PPFIA2: variants seen among roughly 807,000 people sequenced by gnomAD.
The protein encoded by PPFIA2 is PPFI scaffold protein A2.
PPFIA2 carries 46 observed loss-of-function variants against 175.5 expected under a neutral mutation model. The ratio of observed to expected loss-of-function variants is 0.26; its 90% confidence interval spans 0.21 to 0.34. The LOEUF (loss-of-function observed/expected upper bound fraction) is 0.34, where lower values mean the gene tolerates loss of function less well. Ranked by LOEUF, PPFIA2 falls within the 10% of genes least tolerant of loss-of-function variation. The probability of loss-of-function intolerance (pLI) is 1.00; values close to 1 mark genes in which losing one functional copy is unlikely to be tolerated. For synonymous variants in PPFIA2, 568 were observed against 511.4 expected (o/e 1.11, Z -1.49); for missense variants, 1,179 against 1,506.1 (o/e 0.78, Z 3.60).
intron 2 of PPFIA2, 110 bp from the exon 3 acceptor site, chr12:81,754,333 A>G (rs1331617819): frequency 2.2e-6 from 3 of 1,346,374 alleles, no homozygotes; most frequent in African/African-American, 2.9e-5. Context: ...ATTTGTCTCT[A>G]TTTCCCCTAC....
chr12:81,499,583 T>C (rs893740685), intron 4 of PPFIA2, among the ~76,000 whole-genome samples: 1 of 152,150 alleles, frequency 6.6e-6, no homozygotes, highest in South Asian at 2.1e-4. Flanking sequence ...GCTAAACACT[T>C]TTTGTCAGAT....
intron 9 of PPFIA2, among the ~76,000 whole-genome samples, chr12:81,381,576 G>A (rs2037714254): frequency 6.6e-6 from 1 of 152,098 alleles, no homozygotes; most frequent in African/African-American, 2.4e-5. Flanking sequence ...CAAGAAGTGA[G>A]CCCGGTGATT....
At chr12:81,341,235 T>G (rs2058010906) in intron 19 of PPFIA2, 27 bp from the exon 20 acceptor site, 1 of 1,600,372 alleles carries the variant, frequency 6.2e-7, no homozygotes. Flanking sequence ...TACATTCAAA[T>G]AAACCCTTTC....
At chr12:81,263,477 A>G in intron 30 of PPFIA2, 87 bp from the exon 31 acceptor site, 1 of 1,199,688 alleles carries the variant, frequency 8.3e-7, no homozygotes, top group South Asian at 1.6e-5. Flanking sequence ...CATGTAACAT[A>G]GATTATTTAC....
intron 22 of PPFIA2, among the ~76,000 whole-genome samples, chr12:81,313,670 T>C (rs1033986948): frequency 2.0e-5 from 3 of 152,052 alleles, no homozygotes; most frequent in Non-Finnish European, 4.4e-5. Context: ...CTTGTCAACA[T>C]ACCTGTGAAC....
intron 21 of PPFIA2, among the ~76,000 whole-genome samples, chr12:81,337,931 T>C (rs1254519104): frequency 6.6e-6 from 1 of 152,132 alleles, no homozygotes; most frequent in Admixed American, 6.6e-5. Flanking sequence ...TAATATTATG[T>C]ATAGCCTAAA....
At chr12:81,448,205 T>C (rs180680211) in intron 5 of PPFIA2, among the ~76,000 whole-genome samples, 1 of 152,294 alleles carries the variant, frequency 6.6e-6, no homozygotes, top group Admixed American at 6.5e-5. Flanking sequence ...ACTCTTCACA[T>C]TTGGCAAGTG....
intron 16 of PPFIA2, among the ~76,000 whole-genome samples, chr12:81,356,116 C>T (rs776058059): frequency 1.3e-5 from 2 of 152,104 alleles, no homozygotes; most frequent in Non-Finnish European, 1.5e-5. Context: ...CACTTGAACA[C>T]TTAAGGCTAT....
At chr12:81,313,691 G>A (rs918924096) in intron 22 of PPFIA2, among the ~76,000 whole-genome samples, 4 of 152,004 alleles carry the variant, frequency 2.6e-5, no homozygotes, top group African/African-American at 9.7e-5. Flanking sequence ...TCTACGATGA[G>A]CTCTGAAAAA....
At chr12:81,597,858 C>A in intron 4 of PPFIA2, 1 of 1,280,958 alleles carries the variant, frequency 7.8e-7, no homozygotes, top group Non-Finnish European at 1.1e-6. Context: ...TACTTCCAAC[C>A]TTTTTAAGTC....
chr12:81,328,411 G>T (rs1469390526), intron 21 of PPFIA2, among the ~76,000 whole-genome samples: 8 of 152,156 alleles, frequency 5.3e-5, no homozygotes, highest in Admixed American at 5.2e-4. Flanking sequence ...ACCAGGTTTT[G>T]AAAACGTGGT....
At position 81,277,347 on chromosome 12, in the gene PPFIA2, T is replaced by C. The variant is rs925568691; in HGVS notation, c.3280A>G (p.Arg1094Gly). Residue 1094 changes from arginine (R) to glycine (G), a missense_variant, in exon 28 of 33, where the codon AGA becomes GGA. Transcript: ENST00000549396. ...LNYDRKELER[R>G]REASQHEIKD... ...ATTTCATGTTGGCTTGCTTCCCGTCTTCTTTCTAGTTCTTTTCTGTCATAA... is the reference window on the plus strand; with the variant it reads ...ATTTCATGTTGGCTTGCTTCCCGTCCTCTTTCTAGTTCTTTTCTGTCATAA... The C allele has an allele frequency of 3.2e-6, 5 of 1,573,074 alleles. No homozygotes were observed. Among genetic ancestry groups the C allele is most frequent in the Non-Finnish European group, 4.3e-6 (5 of 1,158,280 alleles).
intron 5 of PPFIA2, among the ~76,000 whole-genome samples, chr12:81,451,851 T>C (rs1566893501): frequency 6.6e-6 from 1 of 152,032 alleles, no homozygotes; most frequent in Admixed American, 6.6e-5. Flanking sequence ...TAAAAGTAAA[T>C]AAATTAAGAG....
intron 3 of PPFIA2, among the ~76,000 whole-genome samples, chr12:81,738,052 G>A (rs546168466): frequency 2.9e-4 from 44 of 150,960 alleles, no homozygotes; most frequent in Non-Finnish European, 5.6e-4. Flanking sequence ...AAACAAATAC[G>A]TTTTAAGTAC....
At chr12:81,479,799 T>G (rs1411620230) in intron 4 of PPFIA2, among the ~76,000 whole-genome samples, 1 of 152,220 alleles carries the variant, frequency 6.6e-6, no homozygotes, top group Non-Finnish European at 1.5e-5. Context: ...GGACTTCCCT[T>G]TGTGGGTAAC....
intron 23 of PPFIA2, 58 bp downstream of exon 23, chr12:81,299,243 A>G: frequency 6.7e-7 from 1 of 1,498,590 alleles, no homozygotes; most frequent in African/African-American, 1.4e-5. Flanking sequence ...ACCTGTCTCA[A>G]AAAAATTATC....
At chr12:81,666,025 G>T (rs1363968053) in intron 4 of PPFIA2, among the ~76,000 whole-genome samples, 1 of 152,198 alleles carries the variant, frequency 6.6e-6, no homozygotes, top group South Asian at 2.1e-4. Context: ...CATCATCACT[G>T]GCCATCAGAG....
Position 81,267,951 on chromosome 12 carries a change from G to A in PPFIA2, c.3447C>T (p.Ser1149=). 1 of 1,598,482 alleles carries A rather than the reference G, an allele frequency of 6.3e-7. No homozygotes were observed. Among genetic ancestry groups the A allele is most frequent in the Non-Finnish European group, 8.5e-7 (1 of 1,171,680 alleles). ...TTGGAATCTGTAATAATAAAGCTAA[G>A]CTGCTGTAGTCAAAGTTTTCATCCA... ...IALDENFDYS[S]LALLLQIPTQ... Residue 1149 remains serine (S), a synonymous_variant, in exon 29 of 33, where the codon AGC becomes AGT. Transcript: ENST00000549396.
intron 4 of PPFIA2, among the ~76,000 whole-genome samples, chr12:81,613,260 AC>A (rs1402006621): frequency 6.6e-6 from 1 of 152,130 alleles, no homozygotes; most frequent in Non-Finnish European, 1.5e-5. Context: ...TTAAAATAAT[AC>A]CTGGAGGATT....
Sources: allele counts gnomAD v4.1 joint callset (sites outside exome capture counted in the v4.1 genomes callset), GRCh38; gene constraint gnomAD v4.1.1; transcripts MANE v1.5; gene names NCBI Gene and HGNC (gene_info 2026-07-23, HGNC 2026-07-21).